The following USP20 variants were observed in gnomAD, a reference collection of about 807,000 sequenced individuals.
The protein encoded by USP20 is ubiquitin specific peptidase 20, also known as ubiquitin carboxyl-terminal hydrolase 20.
A neutral mutation model predicts 124.2 loss-of-function variants in USP20; 80 were observed. The observed-to-expected ratio is 0.64, with a 90% CI of 0.54 to 0.78. The LOEUF is 0.78. USP20 is among the 30% of genes least tolerant of loss of function. The pLI is 0.00. For synonymous variants in USP20, 481 were observed against 512.3 expected, an observed-to-expected ratio of 0.94 and a Z score of 0.83; for missense variants, 1,043 against 1,244.4, an observed-to-expected ratio of 0.84 and a Z score of 2.44.
At chr9:129,859,720 T>C (rs1326045927) in intron 6 of USP20, among the ~76,000 whole-genome samples, 1 of 152,244 alleles carries the variant, frequency 6.6e-6, no homozygotes, top group Non-Finnish European at 1.5e-5. Context: ...TTGTTGTGCA[T>C]GTGTATTAAC....
rs1174968223 is a variant in USP20 at position 129,869,440 on chromosome 9, G to T, written c.1392+15G>T. 1.2e-6 allele frequency: 2 copies of T among 1,611,056 alleles called. No individual in the cohort carries two copies. Among genetic ancestry groups the T allele is most frequent in the Non-Finnish European group, 1.7e-6 (2 of 1,177,720 alleles). ...CCTGTGACCGGGTGGGTGCCCCAGG[G>T]ATGGGGGGAGCTGGGCCAGGCTGCC... is the stretch of plus-strand genomic sequence containing the variant. On this transcript the variant is annotated intron_variant, in intron 13 of 25. Coordinates refer to ENST00000372429, the MANE Select transcript of USP20 (RefSeq NM_001110303.4).
chr9:129,868,313 C>T lies in USP20; in HGVS notation c.999C>T (p.Ser333=). 1 of 1,613,850 alleles carries T rather than the reference C, an allele frequency of 6.2e-7. No homozygotes were observed. Among genetic ancestry groups the T allele is most frequent in the Non-Finnish European group, 8.5e-7 (1 of 1,179,970 alleles). Residue 333 remains serine, a synonymous_variant, in exon 11 of 26, where the codon TCC becomes TCT. Transcript: ENST00000372429. ...AGCGGATGAAGGACCGCAAGTTCTC[C>T]TGGGGCCAGCAGCGTACAAACTCGG... ...EKERMKDRKF[S]WGQQRTNSEQ...
chr9:129,845,874 A>G (rs918809656), intron 1 of USP20, among the ~76,000 whole-genome samples: 4 of 151,966 alleles, frequency 2.6e-5, no homozygotes, highest in Non-Finnish European at 4.4e-5. Context: ...AAAACACATT[A>G]TTTCACCAAA....
rs61751468 is a variant in USP20, at chr9:129,875,361, C to T, written c.2100C>T (p.Ala700=). ...AGCGACAGCAGGTGGTGTCCCTGGC[C>T]GCCATGCGGGAGCCCAGCCTGCTGC... The part of the protein sequence containing the change: ...MRERQQVVSL[A]AMREPSLLRF... The change falls in exon 20 of 26, where the codon GCC becomes GCT. Residue 700 remains alanine (A), a synonymous_variant. Coordinates refer to ENST00000372429, the MANE Select transcript of USP20 (RefSeq NM_001110303.4). 15 of 1,612,688 alleles carry T rather than the reference C, an allele frequency of 9.3e-6. No individual in the cohort carries two copies. The highest frequency in any genetic ancestry group is 4.0e-5 in the African/African-American group (3 of 74,894).
At chr9:129,858,320 TG>T in intron 5 of USP20, 146 bp from the exon 6 acceptor site, 2 of 1,246,996 alleles carry the variant, frequency 1.6e-6, no homozygotes, top group Non-Finnish European at 1.1e-6. Flanking sequence ...GGGTCCTGAC[TG>T]GGGGTGGGTA....
intron 1 of USP20, 46 bp downstream of exon 1, chr9:129,835,545 G>A (rs924304430): frequency 1.3e-5 from 3 of 225,326 alleles, no homozygotes; most frequent in Non-Finnish European, 2.6e-5. Flanking sequence ...CCGGGCCTCT[G>A]AGCATTGGCG....
At chr9:129,842,626 C>A (rs766529340) in intron 1 of USP20, among the ~76,000 whole-genome samples, 16 of 146,000 alleles carry the variant, frequency 1.1e-4, no homozygotes, top group Non-Finnish European at 2.2e-4. Flanking sequence ...CGGAGTCTTA[C>A]TCTGTTGCCC....
intron 14 of USP20, 126 bp downstream of exon 14, chr9:129,869,970 G>A: frequency 2.6e-6 from 3 of 1,166,984 alleles, no homozygotes; most frequent in Non-Finnish European, 3.6e-6. Context: ...GGAGCTGGGG[G>A]CCGAAGCCTG....
At chr9:129,877,659 C>T (rs1331248084) in intron 22 of USP20, among the ~76,000 whole-genome samples, 1 of 152,076 alleles carries the variant, frequency 6.6e-6, no homozygotes, top group Admixed American at 6.5e-5. Context: ...GATTGCGCCG[C>T]TGCACTCCCG....
At chr9:129,850,938 G>A (rs539255194) in intron 2 of USP20, among the ~76,000 whole-genome samples, 51 of 152,238 alleles carry the variant, frequency 3.4e-4, no homozygotes, top group African/African-American at 1.2e-3. Context: ...ACAGGCATGA[G>A]CCACCGCACC....
At chr9:129,842,604 T>G (rs1177066557) in intron 1 of USP20, among the ~76,000 whole-genome samples, 2 of 151,976 alleles carry the variant, frequency 1.3e-5, no homozygotes, top group African/African-American at 4.8e-5. Flanking sequence ...AGTTTTTTTT[T>G]TTTTTTTTAG....
intron 1 of USP20, among the ~76,000 whole-genome samples, chr9:129,840,312 CT>C (rs2032127230): frequency 6.6e-6 from 1 of 152,096 alleles, no homozygotes; most frequent in African/African-American, 2.4e-5. Flanking sequence ...GTGTTGCTTC[CT>C]GTCTGGGACC....
chr9:129,841,174 A>G (rs1417250925), intron 1 of USP20, among the ~76,000 whole-genome samples: 3 of 152,208 alleles, frequency 2.0e-5, no homozygotes, highest in Non-Finnish European at 2.9e-5. Flanking sequence ...ATTTTCTCAC[A>G]GTTCTGGAGG....
chr9:129,835,654 G>A, intron 1 of USP20, 155 bp downstream of exon 1: 1 of 156,662 alleles, frequency 6.4e-6, no homozygotes, highest in Non-Finnish European at 1.4e-5. Context: ...GGCCGCCGCC[G>A]CCCCTCTCCC....
intron 1 of USP20, among the ~76,000 whole-genome samples, chr9:129,840,601 TTACTC>T (rs1326382626): frequency 6.6e-6 from 1 of 152,188 alleles, no homozygotes; most frequent in Non-Finnish European, 1.5e-5. Flanking sequence ...TTTGCCTTAT[TTACTC>T]TAACTCTAAT....
chr9:129,874,227 A>G (rs1292494083), intron 17 of USP20, among the ~76,000 whole-genome samples: 2 of 152,192 alleles, frequency 1.3e-5, no homozygotes, highest in African/African-American at 4.8e-5. Context: ...TGTCCGCACC[A>G]AGGAAGGCAC....
intron 7 of USP20, among the ~76,000 whole-genome samples, 198 bp downstream of exon 7, chr9:129,861,231 A>C (rs1232734633): frequency 1.3e-5 from 2 of 152,212 alleles, no homozygotes; most frequent in African/African-American, 2.4e-5. Context: ...AGAGCTGGCT[A>C]TCTTGTCCCC....
chr9:129,848,953 A>G (rs4836673), intron 1 of USP20, among the ~76,000 whole-genome samples: 152,171 of 152,350 alleles, frequency 1, 75,996 homozygotes, highest in Non-Finnish European at 1. Context: ...ACATCTGGGA[A>G]ACTGTGACCT....
At chr9:129,836,051 C>G (rs529428554) in intron 1 of USP20, among the ~76,000 whole-genome samples, 28 of 152,306 alleles carry the variant, frequency 1.8e-4, no homozygotes, top group Non-Finnish European at 3.4e-4. Context: ...CGGCCACCCC[C>G]CTGGACCTTC....
Sources: gnomAD v4.1 joint callset for allele counts (sites outside exome capture counted in the v4.1 genomes callset) on GRCh38, gnomAD v4.1.1 for gene constraint, MANE v1.5 for transcripts, NCBI Gene and HGNC (gene_info 2026-07-23, HGNC 2026-07-21) for gene names.